Variants in ZNF681 observed in about 807,000 individuals in gnomAD.
The protein encoded by ZNF681 is zinc finger protein 681, also known as hypothetical protein FLJ31526.
Under a neutral mutation model 56.0 loss-of-function variants are expected in ZNF681, and 37 were observed. The observed-to-expected ratio is 0.66, with a 90% CI of 0.51 to 0.87. The LOEUF is 0.87. Among genes scored for constraint, ZNF681 ranks in the 40% least tolerant of loss-of-function variants. The pLI, the probability that ZNF681 is intolerant of heterozygous loss-of-function variation, is 0.00. For missense variants in ZNF681, 741 were observed against 744.9 expected, an observed-to-expected ratio of 0.99 and a Z score of 0.06; for synonymous variants, 225 against 248.6, an observed-to-expected ratio of 0.91 and a Z score of 0.89.
At chr19:23,746,119 A>G (rs1968941105) in intron 3 of ZNF681, among the ~76,000 whole-genome samples, 1 of 152,106 alleles carries the variant, frequency 6.6e-6, no homozygotes, top group Non-Finnish European at 1.5e-5. Flanking sequence ...GTTTGAGACC[A>G]GCCTGGCCAA....
In ZNF681 at chr19:23,758,825, G is replaced by A. The variant is rs1969167639; in HGVS notation, c.-76C>T. 4.4e-6 allele frequency: 7 copies of A among 1,594,510 alleles called. No homozygotes were observed. The highest frequency in any genetic ancestry group is 6.0e-6 in the Non-Finnish European group (7 of 1,163,836). On this transcript the variant is annotated 5_prime_UTR_variant, in exon 1 of 4. Coordinates refer to ENST00000402377, the MANE Select transcript of ZNF681 (RefSeq NM_138286.3). ...GCAGGTCAGAGGGCCATAGAGGCTG[G>A]GCCTCTAGAAGAAGAGGACACAGAG...
At chr19:23,745,443 G>T in intron 3 of ZNF681, 120 bp from the exon 4 acceptor site, 1 of 769,700 alleles carries the variant, frequency 1.3e-6, no homozygotes, top group Non-Finnish European at 1.8e-6. Flanking sequence ...AATACCAAAG[G>T]CCCTAATTTT....
Position 23,743,844 on chromosome 19 carries a change from T to C in ZNF681, c.1706A>G (p.Lys569Arg), listed in dbSNP as rs770070236. The C allele has an allele frequency of 6.2e-7, 1 of 1,613,122 alleles. No individual in the cohort carries two copies. The highest frequency in any genetic ancestry group is 1.1e-5 in the South Asian group (1 of 90,988). ...AAGGTGTGAGGACTGGTTAAAGGCT[T>C]TACCACATTCTTCACATTGGTAGGG... ...EKPYQCEECG[K>R]AFNQSSHLTR... The change falls in exon 4 of 4, where the codon AAA (lysine) becomes AGA (arginine). Residue 569 changes from lysine to arginine, a missense_variant. Transcript: ENST00000402377.
intron 3 of ZNF681, among the ~76,000 whole-genome samples, chr19:23,749,534 C>A (rs1056835648): frequency 1.3e-5 from 2 of 151,796 alleles, no homozygotes; most frequent in African/African-American, 4.8e-5. Context: ...CTCAAATTCC[C>A]AGACTCAAGT....
At chr19:23,751,358 C>G (rs965784852) in intron 3 of ZNF681, among the ~76,000 whole-genome samples, 1 of 151,674 alleles carries the variant, frequency 6.6e-6, no homozygotes, top group African/African-American at 2.4e-5. Flanking sequence ...TGGCTGTAAT[C>G]CCAGCTACTC....
chr19:23,753,010 A>G (rs1969055599), intron 3 of ZNF681, among the ~76,000 whole-genome samples: 1 of 152,210 alleles, frequency 6.6e-6, no homozygotes, highest in East Asian at 1.9e-4. Context: ...AATCCTGTCT[A>G]AACTAATAAA....
rs1968864599 is a variant in ZNF681 at position 23,740,646 on chromosome 19, C to T, written c.*2966G>A. 6.6e-6 allele frequency: 1 copy of T among 151,896 alleles called. No individual in the cohort carries two copies. Among genetic ancestry groups the T allele is most frequent in the African/African-American group, 2.4e-5 (1 of 41,360 alleles). The allele number at this position is 151,896 out of a possible 1,614,324, so 9.4% of individuals were successfully genotyped here. On this transcript the variant is annotated 3_prime_UTR_variant, in exon 4 of 4. Transcript: ENST00000402377. The stretch of plus-strand genomic sequence containing the variant: ...AACATCCTCATGATTTAGGAAGCCC[C>T]CCTAGTACTCACCTAAATAAATGGG...
At chr19:23,758,405 C>T (rs559821651) in intron 1 of ZNF681, among the ~76,000 whole-genome samples, 29 of 152,322 alleles carry the variant, frequency 1.9e-4, no homozygotes, top group African/African-American at 2.6e-4. Flanking sequence ...AGACTAGGAA[C>T]GCCACGGACC....
chr19:23,754,751 C>A (rs1256577652), intron 3 of ZNF681, 72 bp downstream of exon 3: 4 of 1,190,074 alleles, frequency 3.4e-6, no homozygotes, highest in Non-Finnish European at 5.0e-6. Context: ...ACATTATAAG[C>A]ACTAGCTTTT....
At chr19:23,749,336 TA>T (rs74175767) in intron 3 of ZNF681, among the ~76,000 whole-genome samples, 70,535 of 151,954 alleles carry the variant, frequency 0.46, 17,161 homozygotes, top group Non-Finnish European at 0.56. Flanking sequence ...GGAGAGAGGG[TA>T]AAATGTTCAG....
At position 23,757,971 on chromosome 19, in the gene ZNF681, G is replaced by A. The variant is rs183947249; in HGVS notation, c.3+776C>T. 5.4e-3 allele frequency among the ~76,000 whole-genome samples: 814 copies of A among 152,124 alleles called. 4 individuals are homozygous for A. The highest frequency in any genetic ancestry group is 7.8e-3 in the Non-Finnish European group (531 of 67,990). On this transcript the variant is annotated intron_variant, in intron 1 of 3. Coordinates refer to ENST00000402377, the MANE Select transcript of ZNF681 (RefSeq NM_138286.3). ...TGAACACATTTATAAAGGTTTTCTA[G>A]GGTAATTTTATTAAAAGATAAATAT... is the stretch of plus-strand genomic sequence containing the variant.
chr19:23,755,604 C>T (rs200725922), intron 1 of ZNF681, 53 bp from the exon 2 acceptor site: 19 of 859,558 alleles, frequency 2.2e-5, no homozygotes, highest in Non-Finnish European at 3.2e-5. Flanking sequence ...CACACATACA[C>T]ATTTAGAAAG....
chr19:23,756,407 T>A lies in ZNF681; in HGVS notation c.4-856A>T, dbSNP rs142186119. On this transcript the variant is annotated intron_variant, in intron 1 of 3. Coordinates refer to ENST00000402377, the MANE Select transcript of ZNF681 (RefSeq NM_138286.3). ...AACCAACCTAAATACCCATCAATGATAGAATGGATAAAGAAAATGTGGTAC... is the reference window on the plus strand; with the variant it reads ...AACCAACCTAAATACCCATCAATGAAAGAATGGATAAAGAAAATGTGGTAC... 2.4e-4 allele frequency among the ~76,000 whole-genome samples: 36 copies of A among 151,624 alleles called. 1 individual carries two copies. In the East Asian group the frequency reaches 7.0e-3, roughly 29 times the overall value.
At chr19:23,757,067 C>T (rs1413803875) in intron 1 of ZNF681, among the ~76,000 whole-genome samples, 1 of 151,908 alleles carries the variant, frequency 6.6e-6, no homozygotes, top group East Asian at 1.9e-4. Flanking sequence ...GATGGGCTTT[C>T]ACCATGTTGG....
rs142640248 is a variant in ZNF681 at position 23,744,241 on chromosome 19, G to A, written c.1309C>T (p.Leu437Phe). Residue 437 changes from leucine (L) to phenylalanine (F), a missense_variant, in exon 4 of 4, where the codon CTT (leucine) becomes TTT (phenylalanine). Transcript: ENST00000402377. Reference protein sequence around the residue: ...CGKASNQSSNLTEHKNIHTEE... With the variant: ...CGKASNQSSNFTEHKNIHTEE... ...GTATGAATATTCTTATGTTCAGTAAGGTTTGAGGATTGGTTAGAAGCTTTG... is the reference window on the plus strand; with the variant it reads ...GTATGAATATTCTTATGTTCAGTAAAGTTTGAGGATTGGTTAGAAGCTTTG... 15 of 1,613,472 alleles carry A rather than the reference G, an allele frequency of 9.3e-6. No homozygotes were observed. In the South Asian group the frequency reaches 1.5e-4, roughly 17 times the overall value.
rs1006406880 is a variant in ZNF681, at chr19:23,758,887, G to C, written c.-138C>G. Reference sequence around the variant, plus strand: ...AGACCCGGAGCTCGGGCTGAAGGGAGAGACAAAGGCCCCGCCAATCCCGGA... The same window carrying C: ...AGACCCGGAGCTCGGGCTGAAGGGACAGACAAAGGCCCCGCCAATCCCGGA... On this transcript the variant is annotated 5_prime_UTR_variant, in exon 1 of 4. Coordinates refer to ENST00000402377, the MANE Select transcript of ZNF681 (RefSeq NM_138286.3). 50 of 1,213,766 alleles carry C rather than the reference G, an allele frequency of 4.1e-5. No homozygotes were observed. Among genetic ancestry groups the C allele is most frequent in the Non-Finnish European group, 5.5e-5 (47 of 850,520 alleles). The allele number at this position is 1,213,766 out of a possible 1,614,324, so 75.2% of individuals were successfully genotyped here.
At chr19:23,750,535 C>T (rs919906726) in intron 3 of ZNF681, among the ~76,000 whole-genome samples, 2 of 151,628 alleles carry the variant, frequency 1.3e-5, no homozygotes, top group Non-Finnish European at 2.9e-5. Context: ...ATTAAGAAAC[C>T]TACACTAAAA....
At chr19:23,758,465 C>CG (rs1459820847) in intron 1 of ZNF681, among the ~76,000 whole-genome samples, 1 of 152,194 alleles carries the variant, frequency 6.6e-6, no homozygotes, top group East Asian at 1.9e-4. Context: ...TCGCCCCTGA[C>CG]GACCCTCCCG....
chr19:23,747,521 TC>T (rs1704286845), intron 3 of ZNF681, among the ~76,000 whole-genome samples: 7 of 151,190 alleles, frequency 4.6e-5, no homozygotes, highest in African/African-American at 1.7e-4. Context: ...GCACCTGTAG[TC>T]CCAGCTACTC....
Sources: gnomAD v4.1 joint callset for allele counts (sites outside exome capture counted in the v4.1 genomes callset) on GRCh38, gnomAD v4.1.1 for gene constraint, MANE v1.5 for transcripts, NCBI Gene and HGNC (gene_info 2026-07-23, HGNC 2026-07-21) for gene names.